Variants in EBF2 observed in about 807,000 individuals in gnomAD.
EBF2 encodes the protein transcription factor COE2.
In EBF2, 21 loss-of-function variants were observed where a neutral mutation model predicts 72.8. That is an observed-to-expected ratio of 0.29 (90% confidence interval 0.20 to 0.42). EBF2 has a LOEUF of 0.42. Ranked by LOEUF, EBF2 falls within the 10% of genes least tolerant of loss-of-function variation. The probability of loss-of-function intolerance (pLI) is 1.00; values close to 1 mark genes in which losing one functional copy is unlikely to be tolerated. For missense variants in EBF2, 637 were observed against 731.2 expected, an observed-to-expected ratio of 0.87 and a Z score of 1.49; for synonymous variants, 299 against 274.2, an observed-to-expected ratio of 1.09 and a Z score of -0.89.
At chr8:26,005,118 G>C in intron 6 of EBF2, among the ~76,000 whole-genome samples, 1 of 144,814 alleles carries the variant, frequency 6.9e-6, no homozygotes, top group East Asian at 2.0e-4. Flanking sequence ...ATTTTCTCTT[G>C]TCTATTGTGC....
At chr8:25,953,234 A>G (rs1278284698) in intron 6 of EBF2, among the ~76,000 whole-genome samples, 2 of 152,122 alleles carry the variant, frequency 1.3e-5, no homozygotes, top group Non-Finnish European at 2.9e-5. Context: ...CATTCACCAT[A>G]TTGGAAAGCC....
chr8:25,889,864 C>A lies in EBF2; in HGVS notation c.639G>T (p.Val213=). The A allele has an allele frequency of 1.2e-6, 2 of 1,613,452 alleles. No individual in the cohort carries two copies. The highest frequency in any genetic ancestry group is 1.7e-6 in the Non-Finnish European group (2 of 1,179,502). The change falls in exon 8 of 16, where the codon GTG becomes GTT. Residue 213 remains valine, a synonymous_variant. Transcript: ENST00000520164. ...CATCCACATTCACCGTTGTTGACAA[C>A]ACAACCTGCATATTTAAAGTAAAAA... ...NPRDMRRFQV[V]LSTTVNVDGH...
At chr8:26,013,881 G>A (rs190881109) in intron 6 of EBF2, among the ~76,000 whole-genome samples, 15 of 152,148 alleles carry the variant, frequency 9.9e-5, no homozygotes, top group South Asian at 4.2e-4. Flanking sequence ...GGCAGCATCC[G>A]GATATTGCTA....
intron 7 of EBF2, among the ~76,000 whole-genome samples, chr8:25,892,333 C>T (rs771201190): frequency 1.2e-4 from 18 of 152,210 alleles, no homozygotes; most frequent in East Asian, 9.7e-4. Flanking sequence ...CCAAAGTGGA[C>T]GGGGGAACTA....
rs750428541 is a variant in EBF2, at chr8:25,861,185, G to A, written c.1206C>T (p.Leu402=). 1.9e-6 allele frequency: 3 copies of A among 1,613,936 alleles called. No homozygotes were observed. The South Asian group carries it at 3.3e-5, about 18-fold the overall frequency. Reference sequence around the variant, plus strand: ...GGCTGGGATTCCTGGGGACGCTGTAGAGAGCTTCAGCAATGTCTGCGGCTC... The same window carrying A: ...GGCTGGGATTCCTGGGGACGCTGTAAAGAGCTTCAGCAATGTCTGCGGCTC... ...LKRAADIAEA[L]YSVPRNPSQL... The change falls in exon 13 of 16, where the codon CTC becomes CTT. Residue 402 remains leucine, a synonymous_variant. Coordinates refer to ENST00000520164, the MANE Select transcript of EBF2 (RefSeq NM_022659.4).
chr8:25,994,183 A>G (rs1281578680), intron 6 of EBF2, among the ~76,000 whole-genome samples: 1 of 152,230 alleles, frequency 6.6e-6, no homozygotes, highest in East Asian at 1.9e-4. Context: ...AAATATGACT[A>G]TAAAACTTAC....
intron 6 of EBF2, among the ~76,000 whole-genome samples, chr8:26,025,187 G>A (rs547485006): frequency 7.2e-5 from 11 of 152,208 alleles, no homozygotes; most frequent in South Asian, 2.1e-4. Flanking sequence ...TCTGTGTTCC[G>A]GACAGGGGGA....
Position 26,000,346 on chromosome 8 carries a change from A to G in EBF2, c.551+32739T>C, listed in dbSNP as rs1250865232. 5.3e-5 allele frequency among the ~76,000 whole-genome samples: 8 copies of G among 152,266 alleles called. No individual in the cohort carries two copies. The East Asian group carries it at 1.5e-3, about 29-fold the overall frequency. On this transcript the variant is annotated intron_variant, in intron 6 of 15. Transcript: ENST00000520164. ...AGTGGCCTTTATGAAGCTCAAACAT[A>G]TTTTGGGTCCAGTGGTAAGTCTTGG...
At chr8:25,901,255 C>G (rs914444376) in intron 7 of EBF2, among the ~76,000 whole-genome samples, 1 of 151,792 alleles carries the variant, frequency 6.6e-6, no homozygotes, top group Non-Finnish European at 1.5e-5. Flanking sequence ...AACCCCGTCT[C>G]GATAAAAAAT....
chr8:25,924,345 C>G (rs553645502), intron 6 of EBF2, among the ~76,000 whole-genome samples: 1 of 152,316 alleles, frequency 6.6e-6, no homozygotes, highest in South Asian at 2.1e-4. Flanking sequence ...ACACACTTAG[C>G]AATTGTCTTC....
rs1266895473 is a variant in EBF2 at position 25,941,358 on chromosome 8, A to G, written c.552-32803T>C. 3.3e-5 allele frequency among the ~76,000 whole-genome samples: 5 copies of G among 152,008 alleles called. No individual in the cohort carries two copies. The East Asian group carries it at 9.7e-4, about 29-fold the overall frequency. Reference sequence around the variant, plus strand: ...GTAGCTGGGATTACAGGTGCCTGCCACCATGCCTGGCTAATTTTTGTATTT... The same window carrying G: ...GTAGCTGGGATTACAGGTGCCTGCCGCCATGCCTGGCTAATTTTTGTATTT... On this transcript the variant is annotated intron_variant, in intron 6 of 15. Transcript: ENST00000520164.
At position 26,019,296 on chromosome 8, in the gene EBF2, CA is replaced by C. The variant is rs10644837; in HGVS notation, c.551+13788del. ...TGGTTCCCACTGGGCCTGTAAAACTCAAAAAAAAAAAAAGGTTGGCTTTGGC... is the reference window on the plus strand; with the variant it reads ...TGGTTCCCACTGGGCCTGTAAAACTCAAAAAAAAAAAAGGTTGGCTTTGGC... On this transcript the variant is annotated intron_variant, in intron 6 of 15. Transcript: ENST00000520164. Among the ~76,000 whole-genome samples the C allele has an allele frequency of 5.3e-3, 726 of 136,836 alleles. 3 individuals carry two copies. The highest frequency in any genetic ancestry group is 0.013 in the African/African-American group (489 of 37,858). 89.8% of individuals were successfully genotyped at this position (136,836 alleles called of 152,430 possible).
chr8:25,908,929 A>G (rs1585191731), intron 6 of EBF2, among the ~76,000 whole-genome samples: 1 of 152,032 alleles, frequency 6.6e-6, no homozygotes, highest in Admixed American at 6.6e-5. Flanking sequence ...AAATGGCAGG[A>G]CCCGGCCCCA....
intron 10 of EBF2, among the ~76,000 whole-genome samples, chr8:25,879,002 TA>T (rs1484770266): frequency 3.9e-5 from 6 of 152,148 alleles, no homozygotes; most frequent in Non-Finnish European, 8.8e-5. Context: ...CTTTAAATTT[TA>T]AATTTTAAAT....
chr8:25,891,490 G>A (rs1413572250), intron 7 of EBF2, among the ~76,000 whole-genome samples: 1 of 151,964 alleles, frequency 6.6e-6, no homozygotes, highest in Non-Finnish European at 1.5e-5. Flanking sequence ...GACTCTTCCT[G>A]TCTACTCCCA....
chr8:25,990,200 C>CAG (rs1370112800), intron 6 of EBF2, among the ~76,000 whole-genome samples: 54 of 151,916 alleles, frequency 3.6e-4, no homozygotes, highest in African/African-American at 1.3e-3. Flanking sequence ...CACACACACA[C>CAG]ACACACACAC....
intron 6 of EBF2, among the ~76,000 whole-genome samples, chr8:25,925,107 A>G (rs1366321963): frequency 6.6e-6 from 1 of 152,022 alleles, no homozygotes; most frequent in Admixed American, 6.5e-5. Flanking sequence ...TCATTTTCCT[A>G]TTGTTGGGAT....
At chr8:25,924,196 G>T (rs977528665) in intron 6 of EBF2, among the ~76,000 whole-genome samples, 28 of 152,154 alleles carry the variant, frequency 1.8e-4, no homozygotes, top group Non-Finnish European at 3.8e-4. Flanking sequence ...GTAAAATTGG[G>T]TAATGCCTCT....
chr8:25,907,658 G>T (rs1338910670), intron 7 of EBF2, among the ~76,000 whole-genome samples: 1 of 151,938 alleles, frequency 6.6e-6, no homozygotes, highest in South Asian at 2.1e-4. Flanking sequence ...ATGAGGCTAA[G>T]GTTCCCCATC....
Sources: gnomAD v4.1 joint callset for allele counts (sites outside exome capture counted in the v4.1 genomes callset) on GRCh38, gnomAD v4.1.1 for gene constraint, MANE v1.5 for transcripts, NCBI Gene and HGNC (gene_info 2026-07-23, HGNC 2026-07-21) for gene names.